RAB5B: variants seen among roughly 807,000 people sequenced by gnomAD.
The protein encoded by RAB5B is RAB5B, member RAS oncogene family, also known as ras-related protein Rab-5B.
A neutral mutation model predicts 28.6 loss-of-function variants in RAB5B; 11 were observed. The ratio of observed to expected loss-of-function variants is 0.38; its 90% confidence interval spans 0.24 to 0.64. The LOEUF is 0.64. Ranked by LOEUF, RAB5B falls within the 30% of genes least tolerant of loss-of-function variation. RAB5B has a pLI of 0.53. For missense variants in RAB5B, 169 were observed against 265.6 expected (o/e 0.64, Z 2.53); for synonymous variants, 93 against 97.9 (o/e 0.95, Z 0.29).
rs1252216011 is a variant in RAB5B, at chr12:55,992,983, C to A, written c.*771C>A. Reference sequence around the variant, plus strand: ...TCACGCAGCCTCTTAGGTAGCGTTTCCCCTAATCGTGGGGGTTGGACCCCA... The same window carrying A: ...TCACGCAGCCTCTTAGGTAGCGTTTACCCTAATCGTGGGGGTTGGACCCCA... On this transcript the variant is annotated 3_prime_UTR_variant, in exon 6 of 6. Transcript: ENST00000360299. 5.3e-6 allele frequency: 1 copy of A among 187,688 alleles called. No homozygotes were observed. The highest frequency in any genetic ancestry group is 6.4e-5 in the Admixed American group (1 of 15,528). 11.6% of individuals were successfully genotyped at this position (187,688 alleles called of 1,614,324 possible).
intron 4 of RAB5B, 107 bp from the exon 5 acceptor site, chr12:55,991,253 G>C: frequency 1.3e-6 from 1 of 779,542 alleles, no homozygotes; most frequent in Non-Finnish European, 2.2e-6. Context: ...ATTAATTAAG[G>C]GGAGGGAACC....
At chr12:55,982,354 TCTAG>T (rs1263150935) in intron 1 of RAB5B, among the ~76,000 whole-genome samples, 1 of 151,882 alleles carries the variant, frequency 6.6e-6, no homozygotes, top group Non-Finnish European at 1.5e-5. Context: ...TTTTTGAGAG[TCTAG>T]CTATTATATT....
intron 1 of RAB5B, among the ~76,000 whole-genome samples, chr12:55,982,457 G>A (rs1263520530): frequency 6.6e-6 from 1 of 152,092 alleles, no homozygotes; most frequent in Non-Finnish European, 1.5e-5. Context: ...GAGGAAGGCA[G>A]GACATATTCT....
intron 4 of RAB5B, 34 bp downstream of exon 4, chr12:55,990,838 TC>T: frequency 6.2e-7 from 1 of 1,607,512 alleles, no homozygotes. Context: ...CTCTAACACT[TC>T]CTCTGTTCCT....
At chr12:55,975,538 C>T (rs116406379) in intron 1 of RAB5B, among the ~76,000 whole-genome samples, 9 of 151,500 alleles carry the variant, frequency 5.9e-5, no homozygotes, top group African/African-American at 1.5e-4. Flanking sequence ...CACTTGAGCC[C>T]GGGAGTTCGA....
At position 55,992,209 on chromosome 12, in the gene RAB5B, C is replaced by G. The variant is rs771231634; in HGVS notation, c.645C>G (p.Asn215Lys). ...SQQNKSQCCS[N>K] ...AGAACAAGAGCCAGTGTTGTAGCAA[C>G]TGAGGGGGTGGCTAGCAGCAAACAA... Residue 215 changes from asparagine (N) to lysine (K), a missense_variant, in exon 6 of 6, where the codon AAC (asparagine) becomes AAG (lysine). Transcript: ENST00000360299. The G allele has an allele frequency of 6.2e-7, 1 of 1,612,462 alleles. No homozygotes were observed. Among genetic ancestry groups the G allele is most frequent in the South Asian group, 1.1e-5 (1 of 91,034 alleles).
At chr12:55,991,257 G>C in intron 4 of RAB5B, 103 bp from the exon 5 acceptor site, 1 of 811,090 alleles carries the variant, frequency 1.2e-6, no homozygotes, top group Non-Finnish European at 2.1e-6. Context: ...ATTAAGGGGA[G>C]GGAACCTAGG....
At chr12:55,987,458 C>T (rs183304949) in intron 2 of RAB5B, among the ~76,000 whole-genome samples, 42 of 152,118 alleles carry the variant, frequency 2.8e-4, no homozygotes, top group Admixed American at 1.8e-3. Context: ...GTCACCACGC[C>T]GGGCCGGTAA....
In RAB5B at chr12:55,996,003, A is replaced by ATATATATATATTTTTTTTTTTTTTTTTTT; in HGVS notation, c.*3792_*3793insATATATATATTTTTTTTTTTTTTTTTTTT. ...TATATACATATATATATATATATATATTTTTTTTTTAACAACTGGTAGGAT... is the reference window on the plus strand; with the variant it reads ...TATATACATATATATATATATATATATATATATATATTTTTTTTTTTTTTTTTTTTTTTTTTTTTAACAACTGGTAGGAT... On this transcript the variant is annotated 3_prime_UTR_variant, in exon 6 of 6. Coordinates refer to ENST00000360299, the MANE Select transcript of RAB5B (RefSeq NM_002868.4). 7.2e-5 allele frequency: 7 copies of ATATATATATATTTTTTTTTTTTTTTTTTT among 97,392 alleles called. No homozygotes were observed. Among genetic ancestry groups the ATATATATATATTTTTTTTTTTTTTTTTTT allele is most frequent in the African/African-American group, 2.8e-4 (6 of 21,136 alleles). 6.0% of individuals were successfully genotyped at this position (97,392 alleles called of 1,614,324 possible). A position where few individuals can be genotyped will look rare whatever the true frequency, so the allele number is the denominator to read the frequency against.
Position 55,990,594 on chromosome 12 carries a change from A to G in RAB5B, c.316-88A>G. ...TTTCACTGAGGGAAGACCACCTAGA[A>G]GAGGTGAATTTTGAGACTCATTTTA... On this transcript the variant is annotated intron_variant, in intron 3 of 5. Coordinates refer to ENST00000360299, the MANE Select transcript of RAB5B (RefSeq NM_002868.4). The G allele has an allele frequency of 5.9e-6, 9 of 1,525,498 alleles. No individual in the cohort carries two copies. The South Asian group carries it at 1.1e-4, about 18-fold the overall frequency. 94.5% of individuals were successfully genotyped at this position (1,525,498 alleles called of 1,614,324 possible).
Position 55,991,429 on chromosome 12 carries a change from G to A in RAB5B, c.508G>A (p.Val170Met), listed in dbSNP as rs371700996. Residue 170 changes from valine to methionine, a missense_variant, in exon 5 of 6, where the codon GTG becomes ATG. Around this residue, in one of 3 missense-constraint regions of RAB5B, gnomAD observed 123 missense variants for 162.4 expected, o/e 0.76. Transcript: ENST00000360299. Reference sequence around the variant, plus strand: ...GACTTCAGCCAAGACAGCTATGAACGTGAATGATCTCTTCCTGGCAATAGG... The same window carrying A: ...GACTTCAGCCAAGACAGCTATGAACATGAATGATCTCTTCCTGGCAATAGG... ...METSAKTAMN[V>M]NDLFLAIAKK... The A allele has an allele frequency of 2.5e-6, 4 of 1,613,890 alleles. No individual in the cohort carries two copies. The highest frequency in any genetic ancestry group is 1.3e-5 in the African/African-American group (1 of 75,030).
At position 55,994,119 on chromosome 12, in the gene RAB5B, C is replaced by G. The variant is rs1324729475; in HGVS notation, c.*1907C>G. On this transcript the variant is annotated 3_prime_UTR_variant, in exon 6 of 6. Transcript: ENST00000360299. The stretch of plus-strand genomic sequence containing the variant: ...TCTGAAGGACCCAGCTTAGGTTCTT[C>G]CACTTAGGCCTCAATTCCCTTCCTT... 2.6e-5 allele frequency: 4 copies of G among 152,622 alleles called. No individual in the cohort carries two copies. In the East Asian group the frequency reaches 5.8e-4, roughly 22 times the overall value. The allele number at this position is 152,622 out of a possible 1,614,324, so 9.5% of individuals were successfully genotyped here. A position where few individuals can be genotyped will look rare whatever the true frequency, so the allele number is the denominator to read the frequency against.
intron 4 of RAB5B, 120 bp downstream of exon 4, chr12:55,990,924 C>G (rs964967920): frequency 7.7e-7 from 1 of 1,300,164 alleles, no homozygotes; most frequent in African/African-American, 1.5e-5. Context: ...TTCCCCAGTT[C>G]TACACCAAGT....
intron 1 of RAB5B, among the ~76,000 whole-genome samples, chr12:55,982,227 C>T (rs1358975361): frequency 6.8e-6 from 1 of 146,320 alleles, no homozygotes; most frequent in Non-Finnish European, 1.5e-5. Context: ...AATCATCATA[C>T]CACTTGACTG....
rs941723903 is a variant in RAB5B, at chr12:55,996,175, C to G, written c.*3963C>G. ...TATCTCTTGGTAATACCCCCCACCC[C>G]CGTTCCCTGATTCCTGGTAAAAGCT... On this transcript the variant is annotated 3_prime_UTR_variant, in exon 6 of 6. Coordinates refer to ENST00000360299, the MANE Select transcript of RAB5B (RefSeq NM_002868.4). The G allele has an allele frequency of 6.6e-6, 1 of 151,292 alleles. No individual in the cohort carries two copies. Among genetic ancestry groups the G allele is most frequent in the Non-Finnish European group, 1.5e-5 (1 of 67,914 alleles). The allele number at this position is 151,292 out of a possible 1,614,324, so 9.4% of individuals were successfully genotyped here. A position where few individuals can be genotyped will look rare whatever the true frequency, so the allele number is the denominator to read the frequency against.
chr12:55,978,082 G>A (rs1430751893), intron 1 of RAB5B, among the ~76,000 whole-genome samples: 2 of 152,226 alleles, frequency 1.3e-5, no homozygotes, highest in African/African-American at 4.8e-5. Flanking sequence ...CGGGTGACAG[G>A]AAAAGCAGTT....
chr12:55,993,558 A>C lies in RAB5B; in HGVS notation c.*1346A>C, dbSNP rs1478898322. 1.3e-5 allele frequency: 2 copies of C among 152,556 alleles called. No individual in the cohort carries two copies. The highest frequency in any genetic ancestry group is 2.9e-5 in the Non-Finnish European group (2 of 68,046). 9.5% of individuals were successfully genotyped at this position (152,556 alleles called of 1,614,324 possible). A position where few individuals can be genotyped will look rare whatever the true frequency, so the allele number is the denominator to read the frequency against. ...CACACTCAATTTGATATCCATTACC[A>C]TGTCTTTTCTACTTCCTTGTAAATA... On this transcript the variant is annotated 3_prime_UTR_variant, in exon 6 of 6. Coordinates refer to ENST00000360299, the MANE Select transcript of RAB5B (RefSeq NM_002868.4).
Position 55,992,159 on chromosome 12 carries a change from G to A in RAB5B, c.595G>A (p.Val199Met). Residue 199 changes from valine (V) to methionine (M), a missense_variant, in exon 6 of 6, where the codon GTG becomes ATG. Val to Met is a conservative substitution (Grantham distance 21). Transcript: ENST00000360299. ...LGGAAGRSRG[V>M]DLHEQSQQNK... ...AGGTGCAGCAGGCCGAAGCCGGGGT[G>A]TGGATCTCCATGAACAGTCCCAGCA... The A allele has an allele frequency of 1.2e-6, 2 of 1,614,168 alleles. No homozygotes were observed. The highest frequency in any genetic ancestry group is 1.7e-6 in the Non-Finnish European group (2 of 1,180,022).
intron 1 of RAB5B, chr12:55,985,534 G>T: frequency 3.3e-6 from 1 of 303,464 alleles, no homozygotes; most frequent in South Asian, 2.6e-5. Context: ...ATGATGAAAT[G>T]TATTCAGATT....
Sources: gnomAD v4.1 joint callset for allele counts (sites outside exome capture counted in the v4.1 genomes callset) on GRCh38, gnomAD v4.1.1 for gene constraint, gnomAD v4.1.1 regional missense constraint, MANE v1.5 for transcripts, NCBI Gene and HGNC (gene_info 2026-07-23, HGNC 2026-07-21) for gene names.